Variants in LMTK3 observed in about 807,000 individuals in gnomAD.
The protein encoded by LMTK3 is serine/threonine-protein kinase LMTK3.
In LMTK3, 27 loss-of-function variants were observed where a neutral mutation model predicts 116.7. The ratio of observed to expected loss-of-function variants is 0.23; its 90% CI spans 0.17 to 0.32. LMTK3 has a LOEUF of 0.32. Ranked by LOEUF, LMTK3 falls within the 10% of genes least tolerant of loss-of-function variation. LMTK3 has a pLI of 1.00. For synonymous variants in LMTK3, 965 were observed against 971.0 expected, an observed-to-expected ratio of 0.99 and a Z score of 0.11; for missense variants, 1,764 against 2,068.5, an observed-to-expected ratio of 0.85 and a Z score of 2.86.
At chr19:48,490,073 C>G (rs1484959303) in intron 14 of LMTK3, among the ~76,000 whole-genome samples, 2 of 152,168 alleles carry the variant, frequency 1.3e-5, no homozygotes, top group African/African-American at 2.4e-5. Flanking sequence ...CCAAGGTGGC[C>G]ACGAGGATTA....
chr19:48,509,365 G>A, intron 4 of LMTK3, 72 bp downstream of exon 4: 2 of 1,372,118 alleles, frequency 1.5e-6, no homozygotes, highest in African/African-American at 1.4e-5. Flanking sequence ...GGTGAGAGCA[G>A]GGGTGTGGAC....
intron 4 of LMTK3, 26 bp downstream of exon 4, chr19:48,509,411 C>T: frequency 1.3e-6 from 2 of 1,546,152 alleles, no homozygotes; most frequent in Non-Finnish European, 1.8e-6. Context: ...CCATGGAGCC[C>T]TGCCTCCCCT....
At position 48,491,464 on chromosome 19, in the gene LMTK3, G is replaced by C. The variant is rs763310687; in HGVS notation, c.4168C>G (p.Pro1390Ala). 4.1e-5 allele frequency: 58 copies of C among 1,421,916 alleles called. No individual in the cohort carries two copies. The highest frequency in any genetic ancestry group is 5.1e-5 in the Non-Finnish European group (55 of 1,088,942). The allele number at this position is 1,421,916 out of a possible 1,614,324, so 88.1% of individuals were successfully genotyped here. ...GGGGTGGCGGGGTGGGGAGGTGTCG[G>C]GGGCGCTGGAGGCGTTGACGGGTCC... is the stretch of plus-strand genomic sequence containing the variant. ...DTDPSTPPAP[P>A]TPPHPATPGD... Residue 1390 changes from proline (P) to alanine (A), a missense_variant, in exon 13 of 15, where the codon CCG becomes GCG. Coordinates refer to ENST00000600059, the MANE Select transcript of LMTK3 (RefSeq NM_001388485.1). The surrounding 1 kb of genome is among the most constrained non-coding windows in gnomAD (Gnocchi z 5.1).
chr19:48,501,170 A>G, intron 9 of LMTK3, 25 bp from the exon 10 acceptor site: 1 of 1,607,662 alleles, frequency 6.2e-7, no homozygotes, highest in Non-Finnish European at 8.5e-7. Flanking sequence ...GAGAGGTCAG[A>G]GCCCAGCCCT....
chr19:48,488,560 C>G (rs2147527509), intron 14 of LMTK3, among the ~76,000 whole-genome samples: 1 of 152,172 alleles, frequency 6.6e-6, no homozygotes, highest in South Asian at 2.1e-4. Context: ...TCTCCTCAGC[C>G]CTCCATGCAC....
chr19:48,497,483 C>A lies in LMTK3; in HGVS notation c.3586G>T (p.Asp1196Tyr), dbSNP rs530018186. 2 of 1,491,574 alleles carry A rather than the reference C, an allele frequency of 1.3e-6. No homozygotes were observed. Among genetic ancestry groups the A allele is most frequent in the Middle Eastern group, 3.6e-4 (2 of 5,576 alleles). 92.4% of individuals were successfully genotyped at this position (1,491,574 alleles called of 1,614,324 possible). Residue 1196 changes from aspartate to tyrosine, a missense_variant, in exon 11 of 15, where the codon GAC (aspartate) becomes TAC (tyrosine). Physicochemically the swap from Asp to Tyr is radical, Grantham distance 160. Around this residue, in one of 7 missense-constraint regions of LMTK3, gnomAD observed 1,028 missense variants for 1,050.6 expected, o/e 0.98. Coordinates refer to ENST00000600059, the MANE Select transcript of LMTK3 (RefSeq NM_001388485.1). The surrounding 1 kb of genome is among the most constrained non-coding windows in gnomAD (Gnocchi z 5.7). ...CCCTTCCTCTCGGGCTTGGGGGGGT[C>A]CCCGTCTCCGCTGAGTGCCGTGTCT... Reference protein sequence around the residue: ...GGDTALSGDGDPPKPERKGPE... With the variant: ...GGDTALSGDGYPPKPERKGPE...
chr19:48,502,550 C>A lies in LMTK3; in HGVS notation c.677G>T (p.Arg226Leu). The A allele has an allele frequency of 6.3e-7, 1 of 1,578,310 alleles. No individual in the cohort carries two copies. Among genetic ancestry groups the A allele is most frequent in the Non-Finnish European group, 8.6e-7 (1 of 1,163,632 alleles). ...GDLKRYLRAQ[R>L]PPEGLSPELP... ...CTCAGGGGACAGGCCCTCGGGGGGCCGCTGGGCTCGGAGGTAACGCTTCAG... is the reference window on the plus strand; with the variant it reads ...CTCAGGGGACAGGCCCTCGGGGGGCAGCTGGGCTCGGAGGTAACGCTTCAG... The change falls in exon 7 of 15, where the codon CGG becomes CTG. Residue 226 changes from arginine (R) to leucine (L), a missense_variant. Arg to Leu is a moderately radical substitution (Grantham distance 102). Transcript: ENST00000600059.
Position 48,485,593 on chromosome 19 carries a change from G to T in LMTK3, c.*180C>A. The T allele has an allele frequency of 3.1e-6, 2 of 635,150 alleles. No individual in the cohort carries two copies. The highest frequency in any genetic ancestry group is 1.9e-5 in the South Asian group (1 of 52,410). The allele number at this position is 635,150 out of a possible 1,614,324, so 39.3% of individuals were successfully genotyped here. The stretch of plus-strand genomic sequence containing the variant: ...TCAGGGGAGCCATCTGGGGGGCTGG[G>T]GGGCGGGGGCCCGGGGCCTCCCGTT... On this transcript the variant is annotated 3_prime_UTR_variant, in exon 15 of 15. Transcript: ENST00000600059.
At chr19:48,505,283 T>G (rs1370832534) in intron 5 of LMTK3, among the ~76,000 whole-genome samples, 4 of 151,774 alleles carry the variant, frequency 2.6e-5, no homozygotes, top group African/African-American at 9.7e-5. Context: ...CTGGCTAATT[T>G]TTATATTTTT....
At chr19:48,505,066 T>C (rs1281657740) in intron 5 of LMTK3, among the ~76,000 whole-genome samples, 1 of 149,784 alleles carries the variant, frequency 6.7e-6, no homozygotes. Context: ...ATGGTATTTG[T>C]CATTCTCTGA....
At chr19:48,487,385 G>C (rs560811144) in intron 14 of LMTK3, among the ~76,000 whole-genome samples, 1 of 151,898 alleles carries the variant, frequency 6.6e-6, no homozygotes, top group South Asian at 2.1e-4. Context: ...CATGTTGGCC[G>C]GCTGGTCTCG....
intron 11 of LMTK3, among the ~76,000 whole-genome samples, chr19:48,495,655 A>G (rs1156935601): frequency 1.3e-5 from 2 of 152,174 alleles, no homozygotes; most frequent in South Asian, 4.1e-4. Flanking sequence ...CCACTTCCTG[A>G]CCCTTGCCCA....
intron 14 of LMTK3, among the ~76,000 whole-genome samples, chr19:48,486,518 T>C (rs977274936): frequency 2.0e-5 from 3 of 151,830 alleles, no homozygotes; most frequent in African/African-American, 7.3e-5. Context: ...GGGATGACCC[T>C]GTCCTTGGTT....
intron 5 of LMTK3, among the ~76,000 whole-genome samples, chr19:48,508,585 TTCCAGATGAAGA>T (rs1972607208): frequency 6.6e-6 from 1 of 152,108 alleles, no homozygotes; most frequent in Non-Finnish European, 1.5e-5. Flanking sequence ...TGGACTCACT[TTCCAGATGAAGA>T]TCCGGAGGTT....
intron 5 of LMTK3, among the ~76,000 whole-genome samples, chr19:48,507,785 T>G (rs1408377202): frequency 1.3e-5 from 2 of 152,110 alleles, no homozygotes; most frequent in African/African-American, 4.8e-5. Context: ...TTAGCTTAAA[T>G]GTAATAGGCA....
In LMTK3 at chr19:48,500,865, C is replaced by T; in HGVS notation, c.1151+131G>A. 1.1e-6 allele frequency: 1 copy of T among 877,352 alleles called. No homozygotes were observed. The highest frequency in any genetic ancestry group is 1.7e-6 in the Non-Finnish European group (1 of 600,822). The allele number at this position is 877,352 out of a possible 1,614,324, so 54.3% of individuals were successfully genotyped here. A position where few individuals can be genotyped will look rare whatever the true frequency, so the allele number is the denominator to read the frequency against. The stretch of plus-strand genomic sequence containing the variant: ...CAGATGCTGGCAGAAAGGGTGGGGA[C>T]AGCCCCTCTTCACTCTTGAGGGGTA... On this transcript the variant is annotated intron_variant, in intron 10 of 14. Transcript: ENST00000600059. This position sits in a 1 kb window ranked among gnomAD's most constrained non-coding sequence, Gnocchi z 4.0.
Position 48,491,194 on chromosome 19 carries a change from G to A in LMTK3, c.4280C>T (p.Pro1427Leu), listed in dbSNP as rs1300911639. The change falls in exon 14 of 15, where the codon CCC (proline) becomes CTC (leucine). Residue 1427 changes from proline (P) to leucine (L), a missense_variant. Physicochemically the swap from Pro to Leu is moderately conservative, Grantham distance 98. This residue lies in a region of LMTK3 where 281 missense variants were observed against 301.4 expected (regional missense o/e 0.93). Coordinates refer to ENST00000600059, the MANE Select transcript of LMTK3 (RefSeq NM_001388485.1). The surrounding 1 kb of genome is among the most constrained non-coding windows in gnomAD (Gnocchi z 5.1). ...GGAGAAGCGGGAGAAGCACAGCGGG[G>A]GGCCTGGAGGGGGGAGGAGGGGGAA... The part of the protein sequence containing the change: ...EDFPLLPPPG[P>L]PLCFSRFSVS... The A allele has an allele frequency of 2.8e-6, 4 of 1,405,368 alleles. No individual in the cohort carries two copies. In the African/African-American group the frequency reaches 6.0e-5, roughly 21 times the overall value. The allele number at this position is 1,405,368 out of a possible 1,614,324, so 87.1% of individuals were successfully genotyped here.
rs1972500646 is a variant in LMTK3 at position 48,503,011 on chromosome 19, G to T, written c.558-15C>A. 1 of 1,585,692 alleles carries T rather than the reference G, an allele frequency of 6.3e-7. No individual in the cohort carries two copies. The highest frequency in any genetic ancestry group is 8.6e-7 in the Non-Finnish European group (1 of 1,156,248). On this transcript the variant is annotated splice_polypyrimidine_tract_variant and intron_variant, in intron 5 of 14. Transcript: ENST00000600059. Reference sequence around the variant, plus strand: ...GCTGCAGGCTCCTGTGGAGTGAGGAGGTGGCTGAGTTGGGAAGGCAGCCCC... The same window carrying T: ...GCTGCAGGCTCCTGTGGAGTGAGGATGTGGCTGAGTTGGGAAGGCAGCCCC...
chr19:48,508,123 G>T (rs967478459), intron 5 of LMTK3, among the ~76,000 whole-genome samples: 2 of 152,110 alleles, frequency 1.3e-5, no homozygotes, highest in African/African-American at 4.8e-5. Flanking sequence ...TGGCTGGGGT[G>T]AGGGGGACAT....
Sources: allele counts gnomAD v4.1 joint callset (sites outside exome capture counted in the v4.1 genomes callset), GRCh38; gene constraint gnomAD v4.1.1; regional missense constraint gnomAD v4.1.1; non-coding constraint Gnocchi (gnomAD v3.1); transcripts MANE v1.5; gene names NCBI Gene and HGNC (gene_info 2026-07-23, HGNC 2026-07-21).